The following CR1L variants were observed in gnomAD, a reference collection of about 807,000 sequenced individuals.
CR1L encodes the protein complement component receptor 1-like protein.
CR1L carries 59 observed loss-of-function variants against 62.3 expected under a neutral mutation model. The observed-to-expected ratio is 0.95, with a 90% CI of 0.77 to 1.18. The LOEUF (loss-of-function observed/expected upper bound fraction) is 1.18, where lower values mean the gene tolerates loss of function less well. Ranked by LOEUF, CR1L falls within the 50% of genes most tolerant of loss-of-function variation. CR1L has a pLI of 0.00. For missense variants in CR1L, 700 were observed against 702.8 expected (o/e 1.00, Z 0.04); for synonymous variants, 279 against 248.7 (o/e 1.12, Z -1.15).
chr1:207,721,566 C>A (rs12024209), intron 11 of CR1L, among the ~76,000 whole-genome samples: 13,633 of 147,708 alleles, frequency 0.092, 755 homozygotes, highest in East Asian at 0.23. Context: ...GTATATGTGC[C>A]ACATTTTCTT....
Position 207,697,669 on chromosome 1 carries a change from C to CA in CR1L, c.1030dup (p.Arg344LysfsTer3), listed in dbSNP as rs868744955. The CA allele has an allele frequency of 2.5e-6, 4 of 1,613,894 alleles. No individual in the cohort carries two copies. In the South Asian group the frequency reaches 3.3e-5, roughly 13 times the overall value. ...AGGGAGACTGGAGCCCTGCAGCCCC[C>CA]AGATGTGAAGGTGACTAGACTCTTA... On this transcript the variant is annotated frameshift_variant, in exon 6 of 12. Transcript: ENST00000508064. LOFTEE classifies it high-confidence loss of function.
chr1:207,691,252 A>T, intron 4 of CR1L, among the ~76,000 whole-genome samples: 1 of 151,992 alleles, frequency 6.6e-6, no homozygotes, highest in East Asian at 1.9e-4. Flanking sequence ...GTCTCTCTTT[A>T]CCTCTCATAA....
At chr1:207,658,589 C>T (rs986924419) in intron 1 of CR1L, 8 of 152,916 alleles carry the variant, frequency 5.2e-5, no homozygotes, top group East Asian at 1.9e-4. Flanking sequence ...ATCACCAACA[C>T]GCCTGGCAGA....
intron 10 of CR1L, chr1:207,708,974 C>G (rs1664311460): frequency 2.9e-6 from 1 of 345,450 alleles, no homozygotes. Context: ...GGTGGTATGG[C>G]TGTAGATCAG....
chr1:207,709,405 CA>C (rs920494842), intron 10 of CR1L, among the ~76,000 whole-genome samples: 4 of 149,470 alleles, frequency 2.7e-5, no homozygotes, highest in East Asian at 2.0e-4. Flanking sequence ...GACCTTGTCT[CA>C]AAAAAAATGC....
intron 3 of CR1L, among the ~76,000 whole-genome samples, chr1:207,681,745 G>A (rs1213951933): frequency 2.0e-5 from 3 of 152,164 alleles, no homozygotes; most frequent in Non-Finnish European, 2.9e-5. Flanking sequence ...TAACCTCAGT[G>A]GGGTCAAAAG....
chr1:207,678,160 A>G (rs756983019), intron 2 of CR1L, 38 bp from the exon 3 acceptor site: 35 of 1,593,080 alleles, frequency 2.2e-5, no homozygotes, highest in Non-Finnish European at 1.7e-6. Flanking sequence ...AATTCAGTTT[A>G]CTCTACTTGG....
Position 207,697,649 on chromosome 1 carries a change from G to A in CR1L, c.1009G>A (p.Asp337Asn), listed in dbSNP as rs1331931705. The change falls in exon 6 of 12, where the codon GAC (aspartate) becomes AAC (asparagine). Residue 337 changes from aspartate to asparagine, a missense_variant. By Grantham distance (23) the Asp-to-Asn change is conservative. Transcript: ENST00000508064. Reference sequence around the variant, plus strand: ...GTATTTGCACTGCACACCCCAGGGAGACTGGAGCCCTGCAGCCCCCAGATG... The same window carrying A: ...GTATTTGCACTGCACACCCCAGGGAAACTGGAGCCCTGCAGCCCCCAGATG... Reference protein sequence around the residue: ...STYLHCTPQGDWSPAAPRCEV... With the variant: ...STYLHCTPQGNWSPAAPRCEV... The A allele has an allele frequency of 6.2e-7, 1 of 1,613,912 alleles. No homozygotes were observed. Among genetic ancestry groups the A allele is most frequent in the African/African-American group, 1.3e-5 (1 of 74,922 alleles).
At chr1:207,659,309 G>A (rs1162385515) in intron 1 of CR1L, among the ~76,000 whole-genome samples, 5 of 152,180 alleles carry the variant, frequency 3.3e-5, no homozygotes, top group South Asian at 2.1e-4. Context: ...AGGGCAAGCC[G>A]GAGGCTGGTC....
chr1:207,681,073 T>C (rs1663787757), intron 3 of CR1L, among the ~76,000 whole-genome samples: 1 of 152,244 alleles, frequency 6.6e-6, no homozygotes, highest in Admixed American at 6.5e-5. Context: ...AGGTTAACAA[T>C]GTGCTAACCT....
At chr1:207,694,849 G>A in intron 5 of CR1L, 98 bp downstream of exon 5, 2 of 1,578,818 alleles carry the variant, frequency 1.3e-6, no homozygotes, top group Admixed American at 1.8e-5. Flanking sequence ...TTTGTGCTGA[G>A]CAGGGTCGAG....
chr1:207,646,965 A>T (rs1403246012), intron 1 of CR1L, among the ~76,000 whole-genome samples: 6 of 152,040 alleles, frequency 3.9e-5, no homozygotes. Flanking sequence ...GTGCTGTTAC[A>T]CTAGTAGGTA....
At chr1:207,654,800 G>A (rs896916499) in intron 1 of CR1L, among the ~76,000 whole-genome samples, 4 of 152,216 alleles carry the variant, frequency 2.6e-5, no homozygotes, top group Non-Finnish European at 4.4e-5. Flanking sequence ...AAACTAGTAA[G>A]TTGGGAAGCA....
At chr1:207,699,358 C>A in intron 8 of CR1L, 84 bp downstream of exon 8, 2 of 1,481,034 alleles carry the variant, frequency 1.4e-6, no homozygotes, top group South Asian at 1.2e-5. Flanking sequence ...TAATGTGGTT[C>A]TTCAATTTTC....
At chr1:207,690,464 G>A (rs926771929) in intron 4 of CR1L, among the ~76,000 whole-genome samples, 1 of 152,090 alleles carries the variant, frequency 6.6e-6, no homozygotes. Context: ...TTGGTAAAAT[G>A]TTACATATGC....
chr1:207,695,485 T>C (rs1307962668), intron 5 of CR1L, among the ~76,000 whole-genome samples: 1 of 152,136 alleles, frequency 6.6e-6, no homozygotes, highest in Non-Finnish European at 1.5e-5. Context: ...TTCTAAGATA[T>C]TAACTTGCAG....
At chr1:207,678,362 T>A in intron 3 of CR1L, 65 bp downstream of exon 3, 1 of 1,353,084 alleles carries the variant, frequency 7.4e-7, no homozygotes, top group Non-Finnish European at 1.0e-6. Flanking sequence ...CATACTACCT[T>A]CTAGTCACAT....
chr1:207,699,946 C>A (rs764906227), intron 8 of CR1L, among the ~76,000 whole-genome samples: 1 of 152,092 alleles, frequency 6.6e-6, no homozygotes, highest in Admixed American at 6.6e-5. Flanking sequence ...TAACATTAGA[C>A]AGGGTGAGCA....
rs1663737145 is a variant in CR1L at position 207,678,414 on chromosome 1, G to A, written c.377+117G>A. The A allele has an allele frequency of 6.7e-6, 6 of 898,192 alleles. No homozygotes were observed. In the South Asian group the frequency reaches 1.0e-4, roughly 15 times the overall value. 55.6% of individuals were successfully genotyped at this position (898,192 alleles called of 1,614,324 possible). ...AAACTATTACCATCTGCTCTTTAAA[G>A]GCTTCAACACAGGTGCTTAGCTCCT... On this transcript the variant is annotated intron_variant, in intron 3 of 11. Coordinates refer to ENST00000508064, the MANE Select transcript of CR1L (RefSeq NM_175710.2).
Sources: gnomAD v4.1 joint callset for allele counts (sites outside exome capture counted in the v4.1 genomes callset) on GRCh38, gnomAD v4.1.1 for gene constraint, MANE v1.5 for transcripts, NCBI Gene and HGNC (gene_info 2026-07-23, HGNC 2026-07-21) for gene names.